Variants in NREP observed in about 807,000 individuals in gnomAD.
NREP encodes neuronal regeneration related protein.
NREP carries 5 observed loss-of-function variants against 8.6 expected under a neutral mutation model. That is an observed-to-expected ratio of 0.58 (90% CI 0.30 to 1.22). NREP has a LOEUF of 1.22. NREP is among the 50% of genes most tolerant of loss of function. The probability of loss-of-function intolerance (pLI) is 0.07; values close to 1 mark genes in which losing one functional copy is unlikely to be tolerated. For missense variants in NREP, 86 were observed against 82.5 expected, an observed-to-expected ratio of 1.04 and a Z score of -0.17; for synonymous variants, 27 against 28.0, an observed-to-expected ratio of 0.96 and a Z score of 0.11.
At chr5:111,755,184 T>C (rs1750621735) in intron 2 of NREP, among the ~76,000 whole-genome samples, 2 of 152,230 alleles carry the variant, frequency 1.3e-5, no homozygotes. Context: ...ATAGTTATAC[T>C]TTTATTTAGA....
chr5:111,808,167 T>C (rs1422400860), intron 2 of NREP, among the ~76,000 whole-genome samples: 1 of 152,236 alleles, frequency 6.6e-6, no homozygotes. Context: ...TGCACAAAGA[T>C]TTATACCCAA....
At chr5:111,742,600 G>C (rs1053588579) in intron 2 of NREP, among the ~76,000 whole-genome samples, 1 of 152,156 alleles carries the variant, frequency 6.6e-6, no homozygotes, top group African/African-American at 2.4e-5. Context: ...TCAGGAGCCA[G>C]CCACAAAAGG....
At chr5:111,964,594 T>A (rs976466722) in intron 2 of NREP, among the ~76,000 whole-genome samples, 1 of 152,070 alleles carries the variant, frequency 6.6e-6, no homozygotes, top group Non-Finnish European at 1.5e-5. Context: ...GGTCTAGTAC[T>A]CCTGGCCTCA....
At chr5:111,866,245 C>T (rs1455934636) in intron 2 of NREP, among the ~76,000 whole-genome samples, 1 of 151,966 alleles carries the variant, frequency 6.6e-6, no homozygotes, top group African/African-American at 2.4e-5. Context: ...TTTTTGCAAC[C>T]TACTCATCTG....
chr5:111,775,369 C>G (rs1239234661), intron 2 of NREP, among the ~76,000 whole-genome samples: 1 of 152,102 alleles, frequency 6.6e-6, no homozygotes, highest in Non-Finnish European at 1.5e-5. Context: ...GTGGGCTGCC[C>G]TAGGGTAGCA....
At chr5:111,805,724 A>C (rs1331803276) in intron 2 of NREP, among the ~76,000 whole-genome samples, 2 of 152,210 alleles carry the variant, frequency 1.3e-5, no homozygotes, top group Non-Finnish European at 2.9e-5. Flanking sequence ...TGAATAAATA[A>C]ATCAATAGGT....
intron 2 of NREP, among the ~76,000 whole-genome samples, chr5:111,932,592 A>G (rs1561353775): frequency 2.0e-5 from 3 of 152,128 alleles, no homozygotes; most frequent in African/African-American, 7.2e-5. Flanking sequence ...GTTTCCTATT[A>G]AACAACAACA....
At chr5:111,762,682 G>A (rs1439318970), upstream of NREP, among the ~76,000 whole-genome samples, 1 of 152,138 alleles carries the variant, frequency 6.6e-6, no homozygotes, top group Non-Finnish European at 1.5e-5. Context: ...TAACACCAGG[G>A]AAACAAACCC....
intron 2 of NREP, among the ~76,000 whole-genome samples, chr5:111,802,515 C>T (rs747730678): frequency 7.2e-5 from 11 of 152,074 alleles, no homozygotes; most frequent in Non-Finnish European, 1.2e-4. Context: ...AGTGTACATA[C>T]GGCAGAGCTC....
intron 2 of NREP, among the ~76,000 whole-genome samples, chr5:111,809,771 A>G (rs1752226978): frequency 6.6e-6 from 1 of 152,254 alleles, no homozygotes; most frequent in South Asian, 2.1e-4. Context: ...CATTTCTGAT[A>G]TTCTGTTATA....
At chr5:111,822,141 G>A (rs2112925328) in intron 2 of NREP, among the ~76,000 whole-genome samples, 1 of 152,140 alleles carries the variant, frequency 6.6e-6, no homozygotes, top group East Asian at 1.9e-4. Flanking sequence ...CCTTCCCATT[G>A]AAAACAACTA....
chr5:111,781,500 A>T (rs1163494434), intron 2 of NREP, among the ~76,000 whole-genome samples: 3 of 152,212 alleles, frequency 2.0e-5, no homozygotes, highest in African/African-American at 7.2e-5. Flanking sequence ...GAGAGCCCAT[A>T]CATCAGGCAG....
rs151224987 is a variant in NREP at position 111,854,497 on chromosome 5, T to C, written c.136-118990A>G. 3.4e-3 allele frequency among the ~76,000 whole-genome samples: 514 copies of C among 152,290 alleles called. 1 individual carries two copies. Among genetic ancestry groups the C allele is most frequent in the Non-Finnish European group, 4.8e-3 (326 of 68,020 alleles). On this transcript the variant is annotated intron_variant, in intron 2 of 3. Coordinates refer to the NREP transcript ENST00000395634. Reference sequence around the variant, plus strand: ...TTTGTGAAGCTGTAGACAGGCTACATAATCTCCCCGAGCTTCACTGTTTAC... The same window carrying C: ...TTTGTGAAGCTGTAGACAGGCTACACAATCTCCCCGAGCTTCACTGTTTAC...
At chr5:111,908,945 C>T (rs686149) in intron 2 of NREP, among the ~76,000 whole-genome samples, 94,027 of 151,804 alleles carry the variant, frequency 0.62, 29,581 homozygotes, top group African/African-American at 0.65. Flanking sequence ...TGGTATCTCA[C>T]TGTGGTTTTG....
rs552508686 is a variant in NREP, at chr5:111,854,376, G to A, written c.136-118869C>T. On this transcript the variant is annotated intron_variant, in intron 2 of 3. Coordinates refer to the NREP transcript ENST00000395634. ...GGGAGCACTTTGTAGGGTTTCACCT[G>A]CTGATGGAGCCCTAGTTGACAAGCT... Among the ~76,000 whole-genome samples, 160 of 152,250 alleles carry A rather than the reference G, an allele frequency of 1.1e-3. 1 individual carries two copies. The highest frequency in any genetic ancestry group is 1.4e-3 in the Non-Finnish European group (92 of 68,008).
intron 2 of NREP, among the ~76,000 whole-genome samples, chr5:111,931,706 G>C (rs1207017420): frequency 6.6e-6 from 1 of 152,150 alleles, no homozygotes; most frequent in African/African-American, 2.4e-5. Flanking sequence ...TGGATTCTCT[G>C]ACCTTCTCAA....
chr5:111,963,033 G>C (rs946253270), intron 2 of NREP, among the ~76,000 whole-genome samples: 1 of 152,264 alleles, frequency 6.6e-6, no homozygotes, highest in Non-Finnish European at 1.5e-5. Context: ...TGTCACACTG[G>C]CCATTTGCCC....
intron 2 of NREP, among the ~76,000 whole-genome samples, chr5:111,769,996 T>G (rs1203284292): frequency 3.3e-5 from 5 of 152,140 alleles, no homozygotes; most frequent in African/African-American, 1.2e-4. Flanking sequence ...CATGAATCCC[T>G]GAAGATGTTC....
chr5:111,958,758 C>A (rs1298176677), intron 2 of NREP, among the ~76,000 whole-genome samples: 1 of 151,760 alleles, frequency 6.6e-6, no homozygotes, highest in Non-Finnish European at 1.5e-5. Context: ...TCAAAAATTC[C>A]TATAAGAATT....
Sources: gnomAD v4.1 joint callset for allele counts (sites outside exome capture counted in the v4.1 genomes callset) on GRCh38, gnomAD v4.1.1 for gene constraint, MANE v1.5 for transcripts, NCBI Gene and HGNC (gene_info 2026-07-23, HGNC 2026-07-21) for gene names.